The following SPOCK3 variants were observed in gnomAD, a reference collection of about 807,000 sequenced individuals.
The protein encoded by SPOCK3 is SPARC (osteonectin), cwcv and kazal like domains proteoglycan 3, also known as testican-3.
SPOCK3 carries 30 observed loss-of-function variants against 56.6 expected under a neutral mutation model. The observed-to-expected ratio is 0.53, with a 90% CI of 0.40 to 0.72. SPOCK3 has a LOEUF of 0.72. SPOCK3 is among the 30% of genes least tolerant of loss of function. SPOCK3 has a pLI of 0.00. For missense variants in SPOCK3, 527 were observed against 530.0 expected, an observed-to-expected ratio of 0.99 and a Z score of 0.06; for synonymous variants, 196 against 183.3, an observed-to-expected ratio of 1.07 and a Z score of -0.56.
chr4:166,947,958 A>C (rs1331248536), intron 4 of SPOCK3, among the ~76,000 whole-genome samples: 1 of 152,118 alleles, frequency 6.6e-6, no homozygotes, highest in Non-Finnish European at 1.5e-5. Context: ...ACAACACCAG[A>C]ACTTATTTCT....
chr4:167,159,215 T>G (rs1765070326), intron 2 of SPOCK3, among the ~76,000 whole-genome samples: 1 of 151,932 alleles, frequency 6.6e-6, no homozygotes. Context: ...AAAGAAAAAA[T>G]GTCTTTTTAA....
intron 2 of SPOCK3, among the ~76,000 whole-genome samples, chr4:167,069,933 C>T (rs1580195424): frequency 6.6e-6 from 1 of 151,906 alleles, no homozygotes; most frequent in Non-Finnish European, 1.5e-5. Context: ...GTTTTCCCTT[C>T]TGGATTTTTC....
At chr4:167,014,404 G>C (rs907261371) in intron 3 of SPOCK3, among the ~76,000 whole-genome samples, 1 of 151,646 alleles carries the variant, frequency 6.6e-6, no homozygotes, top group African/African-American at 2.4e-5. Flanking sequence ...CCAGTATTTT[G>C]GGAGGAAGAG....
chr4:166,851,851 T>G (rs1314446984), intron 6 of SPOCK3, among the ~76,000 whole-genome samples: 12 of 151,984 alleles, frequency 7.9e-5, no homozygotes, highest in African/African-American at 2.2e-4. Flanking sequence ...TGCACACGTA[T>G]GTTTATTGCG....
At chr4:167,077,549 G>T (rs1757310689) in intron 2 of SPOCK3, among the ~76,000 whole-genome samples, 1 of 151,810 alleles carries the variant, frequency 6.6e-6, no homozygotes, top group Non-Finnish European at 1.5e-5. Context: ...TAGAAAAAAA[G>T]AAAGTTGCTT....
At chr4:167,005,899 T>C (rs993436933) in intron 3 of SPOCK3, among the ~76,000 whole-genome samples, 2 of 152,196 alleles carry the variant, frequency 1.3e-5, no homozygotes, top group African/African-American at 4.8e-5. Flanking sequence ...CTATTTTTAA[T>C]TGCAGGGTGG....
intron 3 of SPOCK3, among the ~76,000 whole-genome samples, chr4:167,034,875 C>T (rs1752601640): frequency 6.6e-6 from 1 of 152,092 alleles, no homozygotes; most frequent in African/African-American, 2.4e-5. Context: ...TATCTCCATA[C>T]AGAATTTCAA....
intron 2 of SPOCK3, among the ~76,000 whole-genome samples, chr4:167,089,071 G>C (rs1038854253): frequency 6.6e-6 from 1 of 151,778 alleles, no homozygotes; most frequent in Non-Finnish European, 1.5e-5. Context: ...ATGAGGTGCT[G>C]GTATTCTATA....
Position 166,756,027 on chromosome 4 carries a change from T to G in SPOCK3, c.710-1298A>C, listed in dbSNP as rs12509134. ...GACAGTGGGCGCAGGCCAGTGTGTG[T>G]GCGCACCGTGCGCGAGCCGAAGCAG... On this transcript the variant is annotated intron_variant, in intron 7 of 10. Transcript: ENST00000357545. Among the ~76,000 whole-genome samples the G allele has an allele frequency of 2.3e-3, 79 of 34,616 alleles. 29 individuals carry two copies. Among genetic ancestry groups the G allele is most frequent in the African/African-American group, 8.7e-3 (76 of 8,688 alleles). 22.7% of individuals were successfully genotyped at this position (34,616 alleles called of 152,430 possible).
chr4:167,004,427 G>A (rs1561108861), intron 3 of SPOCK3, among the ~76,000 whole-genome samples: 1 of 152,144 alleles, frequency 6.6e-6, no homozygotes, highest in South Asian at 2.1e-4. Flanking sequence ...TGTGAGTATC[G>A]TGGAAAACAC....
chr4:166,741,136 C>A (rs2318484), intron 9 of SPOCK3, among the ~76,000 whole-genome samples: 9,997 of 152,108 alleles, frequency 0.066, 377 homozygotes, highest in African/African-American at 0.088. Context: ...GTGTTAATAT[C>A]CGTGAAAAGA....
chr4:166,970,503 C>A (rs1173411766), intron 4 of SPOCK3, among the ~76,000 whole-genome samples: 1 of 151,986 alleles, frequency 6.6e-6, no homozygotes, highest in Admixed American at 6.6e-5. Context: ...GCGGGTGGAT[C>A]ACCTGAATTC....
At chr4:167,059,247 G>A (rs1447768550) in intron 3 of SPOCK3, among the ~76,000 whole-genome samples, 3 of 152,200 alleles carry the variant, frequency 2.0e-5, no homozygotes, top group South Asian at 2.1e-4. Context: ...TTCGCAACCT[G>A]CTCTTCTGAC....
chr4:167,182,373 G>A, intron 2 of SPOCK3, among the ~76,000 whole-genome samples: 1 of 141,462 alleles, frequency 7.1e-6, no homozygotes, highest in Admixed American at 7.2e-5. Context: ...TGAATAAAAG[G>A]ATTCTAGAAG....
chr4:166,755,699 T>C (rs538162844), intron 7 of SPOCK3, among the ~76,000 whole-genome samples: 1 of 152,196 alleles, frequency 6.6e-6, no homozygotes, highest in East Asian at 1.9e-4. Context: ...ATCAAAAAGA[T>C]GTAATCTTCA....
At chr4:167,141,172 A>C (rs984805264) in intron 2 of SPOCK3, among the ~76,000 whole-genome samples, 22 of 151,938 alleles carry the variant, frequency 1.4e-4, no homozygotes, top group Admixed American at 1.4e-3. Flanking sequence ...ACACCAGGAG[A>C]AGGATGGATA....
At chr4:166,842,340 T>G (rs1747520876) in intron 6 of SPOCK3, among the ~76,000 whole-genome samples, 1 of 152,216 alleles carries the variant, frequency 6.6e-6, no homozygotes, top group Non-Finnish European at 1.5e-5. Flanking sequence ...TTGGTCCATT[T>G]TACAGAGAGC....
intron 6 of SPOCK3, among the ~76,000 whole-genome samples, chr4:166,879,836 C>T (rs951954663): frequency 3.3e-5 from 5 of 152,092 alleles, no homozygotes; most frequent in Non-Finnish European, 5.9e-5. Flanking sequence ...GGGCAGTTTT[C>T]CCCTGGGTAC....
intron 9 of SPOCK3, among the ~76,000 whole-genome samples, chr4:166,740,708 T>A (rs1734753696): frequency 6.6e-6 from 1 of 151,904 alleles, no homozygotes; most frequent in Non-Finnish European, 1.5e-5. Flanking sequence ...GTATTTTCAG[T>A]AGAGGTGGGG....
Sources: gnomAD v4.1 joint callset for allele counts (sites outside exome capture counted in the v4.1 genomes callset) on GRCh38, gnomAD v4.1.1 for gene constraint, MANE v1.5 for transcripts, NCBI Gene and HGNC (gene_info 2026-07-23, HGNC 2026-07-21) for gene names.